Variants in CREB5 observed in about 807,000 individuals in gnomAD.
CREB5 encodes cAMP responsive element binding protein 5, also known as cyclic AMP-responsive element-binding protein 5.
A neutral mutation model predicts 57.1 loss-of-function variants in CREB5; 19 were observed. The ratio of observed to expected loss-of-function variants is 0.33; its 90% CI spans 0.23 to 0.49. CREB5 has a LOEUF of 0.49. CREB5 is among the 20% of genes least tolerant of loss of function. The pLI is 0.99. For missense variants in CREB5, 579 were observed against 671.6 expected (o/e 0.86, Z 1.52); for synonymous variants, 238 against 238.3 (o/e 1.00, Z 0.01).
chr7:28,426,821 T>A lies in CREB5; in HGVS notation c.3+13904T>A, dbSNP rs140951475. Among the ~76,000 whole-genome samples the A allele has an allele frequency of 1.1e-4, 16 of 152,372 alleles. No homozygotes were observed. The East Asian group carries it at 2.9e-3, about 28-fold the overall frequency. ...TTGTAAGCTCCATGACAGCAAGAACTGAATCTTGCCTAGTTTTGACTTCTT... is the reference window on the plus strand; with the variant it reads ...TTGTAAGCTCCATGACAGCAAGAACAGAATCTTGCCTAGTTTTGACTTCTT... On this transcript the variant is annotated intron_variant, in intron 1 of 10. Transcript: ENST00000357727.
intron 5 of CREB5, among the ~76,000 whole-genome samples, chr7:28,673,657 CTTTTTTTTTTTTTTTTTT>C (rs549391329): frequency 1.8e-5 from 1 of 55,728 alleles, no homozygotes; most frequent in South Asian, 1.1e-3. Context: ...CTCTCTCTCT[CTTTTTTTTTTTTTTTTTT>C]TTTTTTTTTT....
Position 28,822,281 on chromosome 7 carries a change from G to C in CREB5, c.*3002G>C, listed in dbSNP as rs550429120. On this transcript the variant is annotated 3_prime_UTR_variant, in exon 11 of 11. Coordinates refer to ENST00000357727, the MANE Select transcript of CREB5 (RefSeq NM_182898.4). ...TGCTTCTTGAAATTCCAAACAGAAA[G>C]ATACATTGGTCAAATCCAACACTTG... 3.3e-5 allele frequency: 5 copies of C among 152,232 alleles called. No individual in the cohort carries two copies. The highest frequency in any genetic ancestry group is 1.3e-4 in the Admixed American group (2 of 15,284). 9.4% of individuals were successfully genotyped at this position (152,232 alleles called of 1,614,324 possible).
At chr7:28,407,775 T>C (rs952024951), upstream of CREB5, among the ~76,000 whole-genome samples, 6 of 152,132 alleles carry the variant, frequency 3.9e-5, no homozygotes, top group Admixed American at 2.0e-4. Context: ...AGAAACAACA[T>C]GCTAAGCTCT....
intron 1 of CREB5, among the ~76,000 whole-genome samples, chr7:28,322,743 G>A (rs978670297): frequency 6.6e-6 from 1 of 152,194 alleles, no homozygotes; most frequent in East Asian, 1.9e-4. Flanking sequence ...GAGGATGATG[G>A]TTCCCAGCCT....
intron 1 of CREB5, among the ~76,000 whole-genome samples, chr7:28,339,898 C>A (rs1299067162): frequency 6.6e-6 from 1 of 152,232 alleles, no homozygotes; most frequent in Admixed American, 6.5e-5. Context: ...GAAAAGGAGT[C>A]TCTCCCCATG....
At chr7:28,344,704 A>C (rs1422258052) in intron 1 of CREB5, among the ~76,000 whole-genome samples, 2 of 152,194 alleles carry the variant, frequency 1.3e-5, no homozygotes, top group Non-Finnish European at 2.9e-5. Context: ...ATCTAAAGAC[A>C]GAATGGCTAA....
chr7:28,366,954 T>C (rs899958521), intron 1 of CREB5, among the ~76,000 whole-genome samples: 10 of 152,150 alleles, frequency 6.6e-5, no homozygotes, highest in African/African-American at 2.2e-4. Context: ...TTAGGTACAT[T>C]CTGAGGCTGA....
intron 6 of CREB5, among the ~76,000 whole-genome samples, chr7:28,720,250 A>G (rs893103405): frequency 1.3e-5 from 2 of 152,222 alleles, no homozygotes; most frequent in South Asian, 2.1e-4. Flanking sequence ...TAACAACTCA[A>G]TGAAAACCCT....
intron 5 of CREB5, among the ~76,000 whole-genome samples, chr7:28,649,439 T>A (rs973199180): frequency 1.1e-4 from 17 of 152,366 alleles, no homozygotes; most frequent in South Asian, 6.2e-4. Context: ...GTATTGTCTA[T>A]GGCAGCTGAG....
At chr7:28,631,365 G>A (rs1160446608) in intron 5 of CREB5, among the ~76,000 whole-genome samples, 1 of 152,168 alleles carries the variant, frequency 6.6e-6, no homozygotes, top group East Asian at 1.9e-4. Flanking sequence ...CCAAATACCA[G>A]CTGTGTGGCC....
rs1394949482 is a variant in CREB5 at position 28,718,805 on chromosome 7, C to T, written c.517C>T (p.Gln173Ter). 6.2e-7 allele frequency: 1 copy of T among 1,614,136 alleles called. No individual in the cohort carries two copies. The highest frequency in any genetic ancestry group is 1.7e-5 in the Admixed American group (1 of 60,026). ...GCTACATCTCCACAACAGACAGAGA[C>T]AGCCCATGCCAGCCTCCATGCCTGG... is the stretch of plus-strand genomic sequence containing the variant. Reference protein sequence around the residue: ...SLLHLHNRQRQPMPASMPGTL... With the variant: ...SLLHLHNRQR The change falls in exon 6 of 11, where the codon CAG becomes TAG. Residue 173 changes from glutamine to a stop codon, truncating the protein, a stop_gained. Coordinates refer to ENST00000357727, the MANE Select transcript of CREB5 (RefSeq NM_182898.4). LOFTEE classifies it high-confidence loss of function.
rs1302592995 is a variant in CREB5, at chr7:28,560,993, TGCCTGC to T, written c.292-9370_292-9365del. ...GTGTGCGTGTGTGCGTGCGTGTGTG[TGCCTGC>T]GTGTGCGTGTGTGTGTGCGTGTGTG... On this transcript the variant is annotated intron_variant, in intron 4 of 10. Transcript: ENST00000357727. Among the ~76,000 whole-genome samples the T allele has an allele frequency of 4.2e-4, 18 of 42,942 alleles. 5 individuals are homozygous for T. Among genetic ancestry groups the T allele is most frequent in the African/African-American group, 1.2e-3 (18 of 15,186 alleles). The allele number at this position is 42,942 out of a possible 152,430, so 28.2% of individuals were successfully genotyped here. A position where few individuals can be genotyped will look rare whatever the true frequency, so the allele number is the denominator to read the frequency against.
intron 1 of CREB5, among the ~76,000 whole-genome samples, chr7:28,415,162 T>C (rs1787976834): frequency 6.6e-6 from 1 of 152,194 alleles, no homozygotes; most frequent in Admixed American, 6.5e-5. Context: ...GGCTGGCGTT[T>C]GACTAGAACT....
intron 9 of CREB5, among the ~76,000 whole-genome samples, chr7:28,810,859 G>C (rs189218127): frequency 2.4e-4 from 37 of 152,264 alleles, no homozygotes; most frequent in South Asian, 1.7e-3. Flanking sequence ...GGGGTTTCCA[G>C]TGTACAAATT....
intron 5 of CREB5, among the ~76,000 whole-genome samples, chr7:28,681,582 G>A (rs1389615606): frequency 1.3e-5 from 2 of 152,144 alleles, no homozygotes; most frequent in Admixed American, 1.3e-4. Flanking sequence ...CTAGGTGCTA[G>A]GGAAATGAAG....
At chr7:28,539,728 A>G (rs1227995850) in intron 4 of CREB5, among the ~76,000 whole-genome samples, 1 of 152,194 alleles carries the variant, frequency 6.6e-6, no homozygotes, top group Non-Finnish European at 1.5e-5. Context: ...GTCTGAGTAA[A>G]GGCACAGTCC....
intron 4 of CREB5, among the ~76,000 whole-genome samples, chr7:28,541,082 C>T (rs187294922): frequency 2.6e-5 from 4 of 152,126 alleles, no homozygotes; most frequent in East Asian, 1.9e-4. Flanking sequence ...TTAAATAATG[C>T]GTAAATGAAT....
At chr7:28,485,685 G>A (rs1418258774) in intron 1 of CREB5, among the ~76,000 whole-genome samples, 2 of 152,100 alleles carry the variant, frequency 1.3e-5, no homozygotes, top group Non-Finnish European at 2.9e-5. Context: ...CAATGGTCAG[G>A]CAGATGAAAG....
intron 1 of CREB5, among the ~76,000 whole-genome samples, chr7:28,418,488 A>G (rs1370273736): frequency 6.6e-6 from 1 of 152,206 alleles, no homozygotes; most frequent in Non-Finnish European, 1.5e-5. Flanking sequence ...GAGCCTCTGC[A>G]TCCCCAAATT....
Sources: gnomAD v4.1 joint callset for allele counts (sites outside exome capture counted in the v4.1 genomes callset) on GRCh38, gnomAD v4.1.1 for gene constraint, MANE v1.5 for transcripts, NCBI Gene and HGNC (gene_info 2026-07-23, HGNC 2026-07-21) for gene names.